Variants in SCML4 observed in about 807,000 individuals in gnomAD.
SCML4 encodes the protein Scm polycomb group protein like 4.
A neutral mutation model predicts 41.1 loss-of-function variants in SCML4; 34 were observed. The ratio of observed to expected loss-of-function variants is 0.83; its 90% confidence interval spans 0.63 to 1.10. The LOEUF (loss-of-function observed/expected upper bound fraction) is 1.10, where lower values mean the gene tolerates loss of function less well. Ranked by LOEUF, SCML4 falls within the 50% of genes least tolerant of loss-of-function variation. The probability of loss-of-function intolerance (pLI) is 0.00; values close to 1 mark genes in which losing one functional copy is unlikely to be tolerated. For synonymous variants in SCML4, 214 were observed against 220.9 expected (o/e 0.97, Z 0.28); for missense variants, 522 against 534.1 (o/e 0.98, Z 0.22).
At chr6:107,705,670 C>G (rs926466230) in intron 7 of SCML4, among the ~76,000 whole-genome samples, 1 of 152,166 alleles carries the variant, frequency 6.6e-6, no homozygotes, top group Non-Finnish European at 1.5e-5. Context: ...CAAAAACCGT[C>G]ATCCATTAGA....
At chr6:107,787,876 T>C (rs1782021038) in intron 1 of SCML4, among the ~76,000 whole-genome samples, 1 of 152,250 alleles carries the variant, frequency 6.6e-6, no homozygotes, top group Non-Finnish European at 1.5e-5. Flanking sequence ...TGTGTAACTA[T>C]GATACCTTCA....
At chr6:107,823,212 T>A (rs9400150) in intron 1 of SCML4, among the ~76,000 whole-genome samples, 39,273 of 152,032 alleles carry the variant, frequency 0.26, 6,996 homozygotes, top group African/African-American at 0.51. Flanking sequence ...CTAACCCTCA[T>A]GAGTACCGTC....
chr6:107,762,368 A>G (rs1211078520), intron 2 of SCML4, among the ~76,000 whole-genome samples: 3 of 152,212 alleles, frequency 2.0e-5, no homozygotes, highest in African/African-American at 7.2e-5. Context: ...TTAAGCCCAA[A>G]TTTATTAGTA....
chr6:107,831,414 A>C, the SCML4 span, among the ~76,000 whole-genome samples: 2 of 91,996 alleles, frequency 2.2e-5, no homozygotes, highest in Admixed American at 1.9e-4. Flanking sequence ...TCATTCTCAA[A>C]AAAAAAAAAA....
At chr6:107,786,704 C>A (rs1781923456) in intron 1 of SCML4, among the ~76,000 whole-genome samples, 2 of 152,154 alleles carry the variant, frequency 1.3e-5, no homozygotes, top group African/African-American at 4.8e-5. Flanking sequence ...AGTGTCCCAG[C>A]CCTCTTCCAG....
Position 107,766,956 on chromosome 6 carries a change from T to C in SCML4, c.156+5216A>G, listed in dbSNP as rs924129376. Among the ~76,000 whole-genome samples the C allele has an allele frequency of 5.8e-4, 88 of 151,474 alleles. No individual in the cohort carries two copies. The East Asian group carries it at 0.014, about 23-fold the overall frequency. On this transcript the variant is annotated intron_variant, in intron 2 of 7. Coordinates refer to ENST00000369020, the MANE Select transcript of SCML4 (RefSeq NM_198081.5). Reference sequence around the variant, plus strand: ...CATCTGTACTATTAAGCTATTTTTTTTTTTTTTTTTTTTGAGACAGAATCT... The same window carrying C: ...CATCTGTACTATTAAGCTATTTTTTCTTTTTTTTTTTTTGAGACAGAATCT...
intron 1 of SCML4, among the ~76,000 whole-genome samples, chr6:107,779,176 T>C (rs992434906): frequency 8.1e-6 from 1 of 123,394 alleles, no homozygotes; most frequent in Non-Finnish European, 1.8e-5. Context: ...GGAGACTCCA[T>C]CTCAAAATAA....
intron 1 of SCML4, among the ~76,000 whole-genome samples, chr6:107,807,245 C>T (rs2114257149): frequency 6.6e-6 from 1 of 152,282 alleles, no homozygotes; most frequent in Non-Finnish European, 1.5e-5. Context: ...CCATTTCTGT[C>T]AATCTTTGCC....
intron 5 of SCML4, among the ~76,000 whole-genome samples, chr6:107,733,385 T>C (rs1273138661): frequency 6.6e-6 from 1 of 151,894 alleles, no homozygotes; most frequent in African/African-American, 2.4e-5. Flanking sequence ...TGCCAGGGAG[T>C]TTATGTTTGT....
At chr6:107,802,928 TG>T (rs979784729) in intron 1 of SCML4, among the ~76,000 whole-genome samples, 22 of 151,854 alleles carry the variant, frequency 1.4e-4, no homozygotes, top group Non-Finnish European at 2.9e-4. Context: ...ATTTTTTTGG[TG>T]GAGACGGGTT....
chr6:107,714,439 G>T (rs569361278), intron 6 of SCML4, among the ~76,000 whole-genome samples: 1 of 152,252 alleles, frequency 6.6e-6, no homozygotes, highest in African/African-American at 2.4e-5. Context: ...CGAAGGGTAG[G>T]CTCAGCCACT....
intron 5 of SCML4, among the ~76,000 whole-genome samples, chr6:107,729,322 G>T (rs1395288564): frequency 1.3e-5 from 2 of 152,142 alleles, no homozygotes; most frequent in Non-Finnish European, 2.9e-5. Flanking sequence ...AACAATCTTT[G>T]GAGTTCCTTG....
chr6:107,756,719 T>C (rs948604548), intron 2 of SCML4, among the ~76,000 whole-genome samples: 9 of 152,178 alleles, frequency 5.9e-5, no homozygotes, highest in Non-Finnish European at 1.3e-4. Flanking sequence ...ACGTGAGAAT[T>C]CTCTGTTTTA....
intron 1 of SCML4, among the ~76,000 whole-genome samples, chr6:107,798,441 A>G (rs908344319): frequency 8.6e-5 from 13 of 151,984 alleles, no homozygotes; most frequent in African/African-American, 2.4e-4. Flanking sequence ...TTAGTGATGT[A>G]GAGATGCCTC....
Position 107,762,876 on chromosome 6 carries a change from CTTTTTTT to C in SCML4, c.156+9289_156+9295del, listed in dbSNP as rs57370632. On this transcript the variant is annotated intron_variant, in intron 2 of 7. Transcript: ENST00000369020. ...ATCAGCCCTAGAAAATAAATGCACT[CTTTTTTT>C]TTTTTTTTTTTTTTTTTTGTTCAAG... Among the ~76,000 whole-genome samples, 350 of 89,736 alleles carry C rather than the reference CTTTTTTT, an allele frequency of 3.9e-3. 2 individuals are homozygous for C. Among genetic ancestry groups the C allele is most frequent in the Non-Finnish European group, 4.7e-3 (243 of 51,770 alleles). 58.9% of individuals were successfully genotyped at this position (89,736 alleles called of 152,430 possible). A position where few individuals can be genotyped will look rare whatever the true frequency, so the allele number is the denominator to read the frequency against.
chr6:107,711,641 A>G (rs1486566721), intron 6 of SCML4, among the ~76,000 whole-genome samples: 2 of 152,236 alleles, frequency 1.3e-5, no homozygotes, highest in African/African-American at 4.8e-5. Context: ...GAGATGAATC[A>G]ATATACTCTG....
At position 107,749,815 on chromosome 6, in the gene SCML4, T is replaced by C. The variant is rs1778462874; in HGVS notation, c.157-2A>G. The stretch of plus-strand genomic sequence containing the variant: ...AGTCATGAGAACCCGAGACTTGATC[T>C]GGAAGAGAGAGCCCATTTGGTCAAT... On this transcript the variant is annotated splice_acceptor_variant, in intron 2 of 7. Transcript: ENST00000369020. LOFTEE classifies it high-confidence loss of function. 4 of 1,614,048 alleles carry C rather than the reference T, an allele frequency of 2.5e-6. No homozygotes were observed. Among genetic ancestry groups the C allele is most frequent in the Non-Finnish European group, 1.7e-6 (2 of 1,179,942 alleles).
chr6:107,706,375 G>A (rs1773629343), intron 7 of SCML4, among the ~76,000 whole-genome samples: 1 of 152,172 alleles, frequency 6.6e-6, no homozygotes, highest in African/African-American at 2.4e-5. Context: ...TTGGTCTTAA[G>A]TCCCCATTGT....
At chr6:107,824,420 TTTTAA>T (rs543286170), upstream of SCML4, 3 of 151,912 alleles carry the variant, frequency 2.0e-5, no homozygotes, top group Non-Finnish European at 2.9e-5. Flanking sequence ...AACCACTGGC[TTTTAA>T]AGAACACACA....
Sources: gnomAD v4.1 joint callset for allele counts (sites outside exome capture counted in the v4.1 genomes callset) on GRCh38, gnomAD v4.1.1 for gene constraint, MANE v1.5 for transcripts, NCBI Gene and HGNC (gene_info 2026-07-23, HGNC 2026-07-21) for gene names.